ANO4: variants seen among roughly 807,000 people sequenced by gnomAD.
ANO4 encodes the protein anoctamin 4.
In ANO4, 69 loss-of-function variants were observed where a neutral mutation model predicts 141.9. That is an observed-to-expected ratio of 0.49 (90% confidence interval 0.40 to 0.59). The LOEUF is 0.59. Ranked by LOEUF, ANO4 falls within the 20% of genes least tolerant of loss-of-function variation. ANO4 has a pLI of 0.00. For missense variants in ANO4, 894 were observed against 1,162.2 expected, an observed-to-expected ratio of 0.77 and a Z score of 3.36; for synonymous variants, 350 against 394.3, an observed-to-expected ratio of 0.89 and a Z score of 1.33.
chr12:100,802,748 A>G (rs2034772179), intron 1 of ANO4, among the ~76,000 whole-genome samples: 1 of 152,206 alleles, frequency 6.6e-6, no homozygotes, highest in South Asian at 2.1e-4. Flanking sequence ...CACATTAGCA[A>G]ATACGAAGCA....
chr12:100,763,224 T>C (rs1025521164), intron 3 of ANO4, among the ~76,000 whole-genome samples: 5 of 152,186 alleles, frequency 3.3e-5, no homozygotes, highest in Non-Finnish European at 5.9e-5. Context: ...CTAGTTTCTC[T>C]GGACTCCATA....
chr12:100,796,996 T>C lies in ANO4; in HGVS notation c.-141+1969T>C, dbSNP rs559997010. On this transcript the variant is annotated intron_variant, in intron 1 of 27. Coordinates refer to ENST00000392977, the MANE Select transcript of ANO4 (RefSeq NM_001286615.2). ...CAATTTCAGAATCATTTAGAACATA[T>C]TTCATTTTAATTAGTAGCAACTTTA... Among the ~76,000 whole-genome samples the C allele has an allele frequency of 1.1e-4, 17 of 152,298 alleles. 1 individual carries two copies. In the East Asian group the frequency reaches 1.9e-3, roughly 17 times the overall value.
chr12:101,045,530 G>A (rs1009953322), intron 13 of ANO4, among the ~76,000 whole-genome samples: 4 of 152,324 alleles, frequency 2.6e-5, no homozygotes, highest in African/African-American at 9.6e-5. Context: ...TCATGGGACT[G>A]TGGATACACA....
chr12:100,767,741 C>A (rs2135543848), intron 3 of ANO4, among the ~76,000 whole-genome samples: 1 of 152,258 alleles, frequency 6.6e-6, no homozygotes, highest in East Asian at 1.9e-4. Context: ...CATATTAGAC[C>A]ATGGATTACT....
intron 2 of ANO4, among the ~76,000 whole-genome samples, chr12:100,902,237 T>C (rs941711787): frequency 6.6e-6 from 1 of 152,200 alleles, no homozygotes; most frequent in Non-Finnish European, 1.5e-5. Context: ...ACCTAGGTTA[T>C]CTGTGTTGGC....
rs1447123161 is a variant in ANO4 at position 101,038,844 on chromosome 12, G to A, written c.898-1111G>A. 2.0e-5 allele frequency: 3 copies of A among 152,140 alleles called. No individual in the cohort carries two copies. The East Asian group carries it at 5.8e-4, about 29-fold the overall frequency. 9.4% of individuals were successfully genotyped at this position (152,140 alleles called of 1,614,324 possible). Reference sequence around the variant, plus strand: ...AACCCCAGCACTTTGGGAGGCCAAGGTGGAAGTATTGCTTGAGTTCAGGAG... The same window carrying A: ...AACCCCAGCACTTTGGGAGGCCAAGATGGAAGTATTGCTTGAGTTCAGGAG... On this transcript the variant is annotated intron_variant, in intron 10 of 27. Transcript: ENST00000392977.
intron 1 of ANO4, among the ~76,000 whole-genome samples, chr12:100,859,680 C>G (rs2038372348): frequency 6.6e-6 from 1 of 152,120 alleles, no homozygotes; most frequent in African/African-American, 2.4e-5. Flanking sequence ...ACCTATCGCA[C>G]AATAGTTTTG....
intron 5 of ANO4, among the ~76,000 whole-genome samples, chr12:100,957,473 GACAA>G (rs778890256): frequency 2.0e-5 from 3 of 152,320 alleles, no homozygotes; most frequent in Non-Finnish European, 4.4e-5. Context: ...TTATGGTGGA[GACAA>G]ACAAACCATA....
At chr12:100,896,853 A>T (rs2040377222) in intron 1 of ANO4, among the ~76,000 whole-genome samples, 1 of 152,236 alleles carries the variant, frequency 6.6e-6, no homozygotes, top group African/African-American at 2.4e-5. Context: ...GAAGCTAATG[A>T]TGGCAGCTAA....
At chr12:100,795,398 G>C (rs1356933169) in intron 1 of ANO4, among the ~76,000 whole-genome samples, 1 of 152,198 alleles carries the variant, frequency 6.6e-6, no homozygotes, top group Non-Finnish European at 1.5e-5. Flanking sequence ...ACTCACTCAG[G>C]ATCAGAAGGG....
intron 26 of ANO4, 91 bp from the exon 27 acceptor site, chr12:101,126,788 C>A (rs1027211987): frequency 8.2e-7 from 1 of 1,220,532 alleles, no homozygotes; most frequent in Admixed American, 2.2e-5. Context: ...TCCACATACC[C>A]CAGAGGGTCC....
chr12:100,773,543 A>G (rs1256318182), intron 3 of ANO4, among the ~76,000 whole-genome samples: 7 of 152,230 alleles, frequency 4.6e-5, no homozygotes, highest in Admixed American at 4.6e-4. Context: ...AGGAATTCCT[A>G]CATTGGGAAG....
At chr12:100,784,206 CA>C (rs1353410859) in intron 3 of ANO4, among the ~76,000 whole-genome samples, 2 of 152,162 alleles carry the variant, frequency 1.3e-5, no homozygotes, top group African/African-American at 4.8e-5. Flanking sequence ...ACCTTCTGGC[CA>C]TAATGTTAGT....
chr12:100,888,573 C>A, intron 1 of ANO4, among the ~76,000 whole-genome samples: 1 of 152,246 alleles, frequency 6.6e-6, no homozygotes, highest in East Asian at 1.9e-4. Context: ...AGTAACTCAG[C>A]CTGTTTTTCC....
At chr12:100,751,790 A>G (rs1227508809) in intron 3 of ANO4, among the ~76,000 whole-genome samples, 1 of 152,174 alleles carries the variant, frequency 6.6e-6, no homozygotes, top group Non-Finnish European at 1.5e-5. Context: ...AGGAAATTTC[A>G]TTAGCTCAGT....
intron 1 of ANO4, among the ~76,000 whole-genome samples, chr12:100,817,917 C>T (rs2035824098): frequency 6.6e-6 from 1 of 151,688 alleles, no homozygotes; most frequent in South Asian, 2.1e-4. Context: ...TTCTTTTTTG[C>T]ATAATCATGC....
At chr12:100,822,786 G>A in intron 1 of ANO4, among the ~76,000 whole-genome samples, 1 of 151,820 alleles carries the variant, frequency 6.6e-6, no homozygotes, top group East Asian at 2.0e-4. Context: ...TGTATTAGAT[G>A]TTCCCCTTAT....
intron 14 of ANO4, among the ~76,000 whole-genome samples, chr12:101,050,219 T>C (rs2047803620): frequency 6.6e-6 from 1 of 152,076 alleles, no homozygotes. Flanking sequence ...AGAGAGAATA[T>C]AGCCAAGTCA....
intron 8 of ANO4, among the ~76,000 whole-genome samples, chr12:100,992,892 T>C (rs2045204909): frequency 6.6e-6 from 1 of 152,176 alleles, no homozygotes; most frequent in Admixed American, 6.6e-5. Context: ...GTTGAGAATC[T>C]ATTAAAAAAC....
Sources: gnomAD v4.1 joint callset for allele counts (sites outside exome capture counted in the v4.1 genomes callset) on GRCh38, gnomAD v4.1.1 for gene constraint, MANE v1.5 for transcripts, NCBI Gene and HGNC (gene_info 2026-07-23, HGNC 2026-07-21) for gene names.